AATK: variants seen among roughly 807,000 people sequenced by gnomAD.
AATK encodes lemur tail kinase 1, also known as serine/threonine-protein kinase LMTK1.
A neutral mutation model predicts 114.3 loss-of-function variants in AATK; 91 were observed. The ratio of observed to expected loss-of-function variants is 0.80; its 90% CI spans 0.67 to 0.95. The LOEUF (loss-of-function observed/expected upper bound fraction) is 0.95, where lower values mean the gene tolerates loss of function less well. Ranked by LOEUF, AATK falls within the 40% of genes least tolerant of loss-of-function variation. The pLI is 0.00. For missense variants in AATK, 2,176 were observed against 1,965.2 expected, an observed-to-expected ratio of 1.11 and a Z score of -2.03; for synonymous variants, 1,075 against 916.5, an observed-to-expected ratio of 1.17 and a Z score of -3.12.
chr17:81,118,246 AC>A lies in AATK; in HGVS notation c.*155del, dbSNP rs1220324970. ...TCTACCATCCAGGGCCTCTCATCCC[AC>A]GGGCTTCTCCAGGACACCGCGTGGG... On this transcript the variant is annotated 3_prime_UTR_variant, in exon 14 of 14. Transcript: ENST00000326724. 2 of 696,780 alleles carry A rather than the reference AC, an allele frequency of 2.9e-6. No homozygotes were observed. Among genetic ancestry groups the A allele is most frequent in the Non-Finnish European group, 4.8e-6 (2 of 414,638 alleles). The allele number at this position is 696,780 out of a possible 1,614,324, so 43.2% of individuals were successfully genotyped here.
At chr17:81,118,673 A>G (rs1194207952) in intron 13 of AATK, among the ~76,000 whole-genome samples, 1 of 152,242 alleles carries the variant, frequency 6.6e-6, no homozygotes, top group African/African-American at 2.4e-5. Flanking sequence ...CGCATAAGGA[A>G]ACTGAGGCCT....
intron 1 of AATK, among the ~76,000 whole-genome samples, chr17:81,158,743 G>A (rs1458985472): frequency 6.6e-6 from 1 of 152,230 alleles, no homozygotes; most frequent in African/African-American, 2.4e-5. Context: ...GCCACAGAAA[G>A]GCAGACAAGA....
rs755262818 is a variant in AATK, at chr17:81,121,961, TCAGCGG to T, written c.1969_1974del (p.Pro657_Leu658del). The T allele has an allele frequency of 9.4e-6, 15 of 1,599,732 alleles. No individual in the cohort carries two copies. The highest frequency in any genetic ancestry group is 1.6e-4 in the Middle Eastern group (1 of 6,070). ...ACCTCCTCTAGCTCATCCTCGCCAG[TCAGCGG>T]CAGCGGGGGCGCCCCTGAGCTCCCC... On this transcript the variant is annotated inframe_deletion, in exon 11 of 14. Coordinates refer to ENST00000326724, the MANE Select transcript of AATK (RefSeq NM_001080395.3).
chr17:81,150,434 C>T (rs1165616799), intron 1 of AATK, among the ~76,000 whole-genome samples: 1 of 146,706 alleles, frequency 6.8e-6, no homozygotes, highest in Admixed American at 6.8e-5. Flanking sequence ...ATGCTTCCCC[C>T]ATCCTACTCC....
At chr17:81,118,800 G>T (rs574397644) in intron 13 of AATK, among the ~76,000 whole-genome samples, 2 of 152,362 alleles carry the variant, frequency 1.3e-5, no homozygotes, top group East Asian at 3.9e-4. Flanking sequence ...TTCCCCCAGG[G>T]CTGCAGCCAC....
In AATK at chr17:81,121,464, AGGCAG is replaced by A. The variant is rs1357664536; in HGVS notation, c.2467_2471del (p.Leu823Ter). On this transcript the variant is annotated frameshift_variant, in exon 11 of 14. Coordinates refer to ENST00000326724, the MANE Select transcript of AATK (RefSeq NM_001080395.3). LOFTEE classifies it high-confidence loss of function. ...CACCAGTAGCAGGCGTGGGAGAGTC[AGGCAG>A]GGCATCAGGGGCGTCGGGGGCACTG... 1 of 1,585,668 alleles carries A rather than the reference AGGCAG, an allele frequency of 6.3e-7. No individual in the cohort carries two copies.
At chr17:81,119,218 C>CGGGA (rs879474292) in intron 13 of AATK, among the ~76,000 whole-genome samples, 162 bp downstream of exon 13, 7,512 of 137,210 alleles carry the variant, frequency 0.055, 344 homozygotes, top group East Asian at 0.082. Flanking sequence ...AGGCGGGGTC[C>CGGGA]AGGCTAGGTC....
At chr17:81,118,570 C>G in intron 13 of AATK, 128 bp from the exon 14 acceptor site, 1 of 971,796 alleles carries the variant, frequency 1.0e-6, no homozygotes, top group Non-Finnish European at 1.6e-6. Flanking sequence ...GCAGATCTGG[C>G]TGTGTCTAGG....
intron 1 of AATK, chr17:81,160,348 C>T (rs2061415977): frequency 2.1e-5 from 15 of 713,946 alleles, no homozygotes; most frequent in Non-Finnish European, 2.6e-5. Context: ...CCCCCTGACC[C>T]CAGGCCCCGG....
intron 1 of AATK, among the ~76,000 whole-genome samples, chr17:81,136,907 C>A (rs2061018800): frequency 6.6e-6 from 1 of 152,176 alleles, no homozygotes; most frequent in Non-Finnish European, 1.5e-5. Context: ...CACAGCGGTT[C>A]CCATCTGAGG....
At position 81,143,257 on chromosome 17, in the gene AATK, G is replaced by C. The variant is rs111817258; in HGVS notation, c.56-8756C>G. ...CGGAAGCCGCCTGCAGCAGCCCCAG[G>C]TCCCAGGCAGCCTGTGCGGGACCCT... is the stretch of plus-strand genomic sequence containing the variant. On this transcript the variant is annotated intron_variant, in intron 1 of 13. Coordinates refer to ENST00000326724, the MANE Select transcript of AATK (RefSeq NM_001080395.3). Among the ~76,000 whole-genome samples, 31 of 151,760 alleles carry C rather than the reference G, an allele frequency of 2.0e-4. 1 individual carries two copies. Among genetic ancestry groups the C allele is most frequent in the African/African-American group, 6.8e-4 (28 of 41,308 alleles).
intron 1 of AATK, among the ~76,000 whole-genome samples, chr17:81,148,716 A>G (rs989803326): frequency 1.3e-5 from 2 of 152,302 alleles, no homozygotes; most frequent in African/African-American, 4.8e-5. Context: ...ACTTGCACAC[A>G]CACACACACG....
At position 81,120,191 on chromosome 17, in the gene AATK, G is replaced by A. The variant is rs770746038; in HGVS notation, c.3735+10C>T. On this transcript the variant is annotated intron_variant, in intron 11 of 13. Coordinates refer to ENST00000326724, the MANE Select transcript of AATK (RefSeq NM_001080395.3). ...CAGCCCCGGGCAGACCCCGGGTGGC[G>A]GCGGCCCACCTGGTCAAAGAGGTAG... 1.4e-5 allele frequency: 22 copies of A among 1,555,932 alleles called. No individual in the cohort carries two copies. The highest frequency in any genetic ancestry group is 1.7e-4 in the Middle Eastern group (1 of 5,764).
At chr17:81,119,191 A>AAGGAGCG (rs1568215647) in intron 13 of AATK, among the ~76,000 whole-genome samples, 189 bp downstream of exon 13, 41 of 121,892 alleles carry the variant, frequency 3.4e-4, no homozygotes, top group African/African-American at 1.0e-3. Flanking sequence ...GGGTCAGGTG[A>AAGGAGCG]GGGCCAGGCG....
chr17:81,120,456 C>A lies in AATK; in HGVS notation c.3480G>T (p.Glu1160Asp). 1 of 1,547,194 alleles carries A rather than the reference C, an allele frequency of 6.5e-7. No homozygotes were observed. The highest frequency in any genetic ancestry group is 8.8e-7 in the Non-Finnish European group (1 of 1,142,330). ...CGCTGTCCTCACTGTCCTCCTCCTC[C>A]TCCTCCGGCCGGCCCTCCAAGGCCG... ...LPAALEGRPEEEEEDSEDSDE... is the reference protein window; with the variant it reads ...LPAALEGRPEDEEEDSEDSDE... Residue 1160 changes from glutamate (E) to aspartate (D), a missense_variant, in exon 11 of 14, where the codon GAG (glutamate) becomes GAT (aspartate). Glu to Asp is a conservative substitution (Grantham distance 45). Coordinates refer to ENST00000326724, the MANE Select transcript of AATK (RefSeq NM_001080395.3).
chr17:81,122,039 C>A lies in AATK; in HGVS notation c.1897G>T (p.Ala633Ser). 1.3e-6 allele frequency: 2 copies of A among 1,598,400 alleles called. No homozygotes were observed. The highest frequency in any genetic ancestry group is 8.5e-7 in the Non-Finnish European group (1 of 1,178,788). The change falls in exon 11 of 14, where the codon GCC becomes TCC. Residue 633 changes from alanine to serine, a missense_variant. Around this residue, in one of 4 missense-constraint regions of AATK, gnomAD observed 1,701 missense variants for 1,394.7 expected, o/e 1.22. Coordinates refer to ENST00000326724, the MANE Select transcript of AATK (RefSeq NM_001080395.3). ...GAEDADWGVA[A>S]FCPAFFEDPL... is the part of the protein sequence containing the mutation. ...TCCTCGAAGAAGGCAGGACAGAAGGCGGCCACGCCCCAGTCTGCATCCTCC... is the reference window on the plus strand; with the variant it reads ...TCCTCGAAGAAGGCAGGACAGAAGGAGGCCACGCCCCAGTCTGCATCCTCC...
intron 1 of AATK, among the ~76,000 whole-genome samples, chr17:81,149,271 C>G (rs2061264118): frequency 6.6e-6 from 1 of 152,154 alleles, no homozygotes; most frequent in Non-Finnish European, 1.5e-5. Flanking sequence ...GCCTCCAGCC[C>G]CGTCACCAGG....
chr17:81,123,575 G>C lies in AATK; in HGVS notation c.963-232C>G, dbSNP rs8069877. 4.4e-3 allele frequency among the ~76,000 whole-genome samples: 664 copies of C among 152,316 alleles called. 10 individuals are homozygous for C. The highest frequency in any genetic ancestry group is 0.015 in the African/African-American group (643 of 41,562). The stretch of plus-strand genomic sequence containing the variant: ...CCTGTGGAGCCTGCACATAAAGGCC[G>C]GGCTGGCCGAATCCATCTGCTTGTC... On this transcript the variant is annotated intron_variant, in intron 9 of 13. Coordinates refer to ENST00000326724, the MANE Select transcript of AATK (RefSeq NM_001080395.3).
rs369695520 is a variant in AATK, at chr17:81,166,011, C to A, written c.-19G>T. The A allele has an allele frequency of 6.5e-7, 1 of 1,542,624 alleles. No individual in the cohort carries two copies. The highest frequency in any genetic ancestry group is 1.4e-5 in the African/African-American group (1 of 70,770). On this transcript the variant is annotated 5_prime_UTR_variant, in exon 1 of 14. Coordinates refer to ENST00000326724, the MANE Select transcript of AATK (RefSeq NM_001080395.3). ...ACGACATGGCCGGGCCAGCGGCCGG[C>A]GGGCATCCCGGGAGGGCGCTGCGCT...
Sources: allele counts gnomAD v4.1 joint callset (sites outside exome capture counted in the v4.1 genomes callset), GRCh38; gene constraint gnomAD v4.1.1; regional missense constraint gnomAD v4.1.1; transcripts MANE v1.5; gene names NCBI Gene and HGNC (gene_info 2026-07-23, HGNC 2026-07-21).